The following TECPR1 variants were observed in gnomAD, a reference collection of about 807,000 sequenced individuals.
TECPR1 encodes tectonin beta-propeller repeat containing 1.
Under a neutral mutation model 162.4 loss-of-function variants are expected in TECPR1, and 122 were observed. The observed-to-expected ratio is 0.75, with a 90% CI of 0.65 to 0.87. The LOEUF (loss-of-function observed/expected upper bound fraction) is 0.87. Among genes scored for constraint, TECPR1 ranks in the 40% least tolerant of loss-of-function variants. The pLI is 0.00. For synonymous variants in TECPR1, 642 were observed against 670.6 expected (o/e 0.96, Z 0.66); for missense variants, 1,432 against 1,618.2 (o/e 0.88, Z 1.97).
intron 21 of TECPR1, 136 bp downstream of exon 21, chr7:98,222,854 A>C (rs1175376918): frequency 8.3e-6 from 10 of 1,207,962 alleles, no homozygotes; most frequent in Non-Finnish European, 1.2e-5. Flanking sequence ...CAACTGCCCC[A>C]GGGCACAGGG....
Position 98,241,048 on chromosome 7 carries a change from G to T in TECPR1, c.832+22C>A. 2 of 1,595,304 alleles carry T rather than the reference G, an allele frequency of 1.3e-6. No homozygotes were observed. The highest frequency in any genetic ancestry group is 1.7e-6 in the Non-Finnish European group (2 of 1,170,358). On this transcript the variant is annotated intron_variant, in intron 7 of 25. Coordinates refer to ENST00000447648, the MANE Select transcript of TECPR1 (RefSeq NM_015395.3). The surrounding 1 kb of genome is among the most constrained non-coding windows in gnomAD (Gnocchi z 5.0). ...CTTCTCCCCAGTACAGGGTATGTGGGTGGGGGAGCCGGGCTGCCCACCTTT... is the reference window on the plus strand; with the variant it reads ...CTTCTCCCCAGTACAGGGTATGTGGTTGGGGGAGCCGGGCTGCCCACCTTT...
intron 8 of TECPR1, among the ~76,000 whole-genome samples, chr7:98,240,446 A>G (rs903648373): frequency 1.3e-5 from 2 of 151,912 alleles, no homozygotes; most frequent in African/African-American, 2.4e-5. Flanking sequence ...TTTGAGACGG[A>G]GTCTTTCTCG....
At chr7:98,224,757 C>A (rs1238921140) in intron 19 of TECPR1, 44 bp downstream of exon 19, 3 of 1,514,682 alleles carry the variant, frequency 2.0e-6, no homozygotes, top group East Asian at 2.4e-5. Flanking sequence ...AGGGCCCTGA[C>A]ATTCAGGACC....
chr7:98,225,100 C>A lies in TECPR1; in HGVS notation c.2516G>T (p.Gly839Val). The A allele has an allele frequency of 6.4e-7, 1 of 1,566,524 alleles. No homozygotes were observed. The highest frequency in any genetic ancestry group is 8.6e-7 in the Non-Finnish European group (1 of 1,157,632). Residue 839 changes from glycine (G) to valine (V), a missense_variant and splice_region_variant, in exon 18 of 26, where the codon GGT (glycine) becomes GTT (valine). By Grantham distance (109) the Gly-to-Val change is moderately radical. Transcript: ENST00000447648. ...CCACATGTACCGGTCCGTGGGCAGA[C>A]CCCTGCGGCAGGACAACAGGGCAGG... ...WNPVTGYTSR[G>V]LPTDRYMWSD...
chr7:98,243,667 C>A, intron 5 of TECPR1, 75 bp from the exon 6 acceptor site: 3 of 1,522,670 alleles, frequency 2.0e-6, no homozygotes, highest in South Asian at 2.5e-5. Context: ...CTCCCGCCCG[C>A]CTGCCATCCG....
At position 98,241,091 on chromosome 7, in the gene TECPR1, T is replaced by C. The variant is rs1168916348; in HGVS notation, c.811A>G (p.Ile271Val). The C allele has an allele frequency of 8.1e-6, 13 of 1,608,816 alleles. No individual in the cohort carries two copies. The highest frequency in any genetic ancestry group is 1.0e-5 in the Non-Finnish European group (12 of 1,177,606). Residue 271 changes from isoleucine (I) to valine (V), a missense_variant, in exon 7 of 26, where the codon ATC (isoleucine) becomes GTC (valine). By Grantham distance (29) the Ile-to-Val change is conservative (BLOSUM62 3). Transcript: ENST00000447648. This position sits in a 1 kb window ranked among gnomAD's most constrained non-coding sequence, Gnocchi z 5.0. ...CCACCTTTGGGATTGCTCCTGTTGA[T>C]TCCTTCCCGGACCAGGGCCTGTCCC... ...WEGQALVREGINRSNPKGSSW... is the reference protein window; with the variant it reads ...WEGQALVREGVNRSNPKGSSW...
intron 23 of TECPR1, among the ~76,000 whole-genome samples, chr7:98,220,340 G>A (rs112086726): frequency 0.23 from 34,751 of 151,854 alleles, 4,300 homozygotes; most frequent in South Asian, 0.44. Flanking sequence ...ATGAAATTCC[G>A]TCTCAAAAAC....
chr7:98,225,587 A>T (rs1798262136), intron 17 of TECPR1, among the ~76,000 whole-genome samples: 2 of 151,480 alleles, frequency 1.3e-5, no homozygotes, highest in Admixed American at 1.3e-4. Context: ...ACACAGACAC[A>T]TGCATAGAGG....
Position 98,244,914 on chromosome 7 carries a change from T to A in TECPR1, c.379A>T (p.Asn127Tyr). The part of the protein sequence containing the change: ...EWESDWYVDE[N>Y]FGGEPTEKGG... ...TTCTCAGTGGGTTCACCTCCAAAAT[T>A]CTCATCCACGTACCAGTCAGACTCC... The change falls in exon 4 of 26, where the codon AAT becomes TAT. Residue 127 changes from asparagine (N) to tyrosine (Y), a missense_variant. Transcript: ENST00000447648. The A allele has an allele frequency of 6.2e-7, 1 of 1,612,704 alleles. No individual in the cohort carries two copies. Among genetic ancestry groups the A allele is most frequent in the Non-Finnish European group, 8.5e-7 (1 of 1,179,766 alleles).
At chr7:98,220,708 G>A (rs940060763) in intron 23 of TECPR1, among the ~76,000 whole-genome samples, 8 of 151,996 alleles carry the variant, frequency 5.3e-5, no homozygotes, top group African/African-American at 1.2e-4. Flanking sequence ...ACAGGCACCC[G>A]CCACCACGCC....
chr7:98,214,755 TG>T lies in TECPR1; in HGVS notation c.*2634del. On this transcript the variant is annotated 3_prime_UTR_variant, in exon 26 of 26. Transcript: ENST00000447648. The stretch of plus-strand genomic sequence containing the variant: ...GTGTCCAGCGCAGCCCAGGGCTTCC[TG>T]GGGGGCAGCAGGAGTGCCTGGGGGT... The T allele has an allele frequency of 6.6e-6, 1 of 152,384 alleles. No homozygotes were observed. The highest frequency in any genetic ancestry group is 1.5e-5 in the Non-Finnish European group (1 of 68,108). The allele number at this position is 152,384 out of a possible 1,614,324, so 9.4% of individuals were successfully genotyped here. A position where few individuals can be genotyped will look rare whatever the true frequency, so the allele number is the denominator to read the frequency against.
At chr7:98,222,969 C>A in intron 21 of TECPR1, 21 bp downstream of exon 21, 1 of 1,609,768 alleles carries the variant, frequency 6.2e-7, no homozygotes, top group Non-Finnish European at 8.5e-7. Context: ...CAAGAAGAAT[C>A]TGTCTGGCCC....
chr7:98,238,467 T>C, intron 9 of TECPR1, 42 bp downstream of exon 9: 1 of 1,509,812 alleles, frequency 6.6e-7, no homozygotes, highest in South Asian at 1.2e-5. Flanking sequence ...GCCCCCATTC[T>C]GAGACCCCTG....
At position 98,238,580 on chromosome 7, in the gene TECPR1, TG is replaced by T. The variant is rs1461584693; in HGVS notation, c.963del (p.His321GlnfsTer15). ...TCAATCCAACTGGTGCCGCAGGGATTGTGAGAGTTGACGCCTCTTCGGAACC... is the reference window on the plus strand; with the variant it reads ...TCAATCCAACTGGTGCCGCAGGGATTTGAGAGTTGACGCCTCTTCGGAACC... Reference protein sequence around the residue: ...KVWFRRGVNSHNPCGTSWIEM... With the variant: ...KVWFRRGVNSXNPCGTSWIEM... On this transcript the variant is annotated frameshift_variant, in exon 9 of 26. Transcript: ENST00000447648. LOFTEE classifies it high-confidence loss of function. 6.4e-7 allele frequency: 1 copy of T among 1,572,150 alleles called. No homozygotes were observed. Among genetic ancestry groups the T allele is most frequent in the Non-Finnish European group, 8.6e-7 (1 of 1,158,890 alleles).
At chr7:98,246,208 A>AG (rs2116631915) in intron 2 of TECPR1, 43 bp from the exon 3 acceptor site, 1 of 1,287,018 alleles carries the variant, frequency 7.8e-7, no homozygotes, top group Admixed American at 2.2e-5. Context: ...CTCCCAGCCC[A>AG]GGGGACATCA....
In TECPR1 at chr7:98,240,957, G is replaced by A. The variant is rs371625530; in HGVS notation, c.833-6C>T. ...CACGATGGACCAGGAACTTCCTACC[G>A]GGCCCCCAAGAAACCCCCAGTGGCC... On this transcript the variant is annotated splice_region_variant and splice_polypyrimidine_tract_variant and intron_variant, in intron 7 of 25. Coordinates refer to ENST00000447648, the MANE Select transcript of TECPR1 (RefSeq NM_015395.3). 5.7e-5 allele frequency: 92 copies of A among 1,600,726 alleles called. No individual in the cohort carries two copies. Among genetic ancestry groups the A allele is most frequent in the Middle Eastern group, 3.3e-4 (2 of 6,070 alleles).
chr7:98,246,613 G>A (rs1297655268), intron 2 of TECPR1, among the ~76,000 whole-genome samples: 2 of 149,320 alleles, frequency 1.3e-5, no homozygotes, highest in African/African-American at 2.5e-5. Flanking sequence ...ACGGAGTCTC[G>A]CTCTGTTGCC....
chr7:98,233,193 C>G (rs1798495912), intron 11 of TECPR1: 13 of 787,216 alleles, frequency 1.7e-5, no homozygotes, highest in Non-Finnish European at 2.5e-5. Context: ...GGGCTGCAGA[C>G]AGGGGAAGGG....
At chr7:98,225,678 G>C (rs1316273430) in intron 17 of TECPR1, among the ~76,000 whole-genome samples, 3 of 152,072 alleles carry the variant, frequency 2.0e-5, no homozygotes, top group African/African-American at 7.2e-5. Flanking sequence ...TTCAGAGACA[G>C]GCTGTCGCTC....
Sources: allele counts gnomAD v4.1 joint callset (sites outside exome capture counted in the v4.1 genomes callset), GRCh38; gene constraint gnomAD v4.1.1; non-coding constraint Gnocchi (gnomAD v3.1); transcripts MANE v1.5; gene names NCBI Gene and HGNC (gene_info 2026-07-23, HGNC 2026-07-21).